The following CFAP44 variants were observed in gnomAD, a reference collection of about 807,000 sequenced individuals.
The protein encoded by CFAP44 is cilia and flagella associated protein 44.
In CFAP44, 134 loss-of-function variants were observed where a neutral mutation model predicts 216.2. The ratio of observed to expected loss-of-function variants is 0.62; its 90% CI spans 0.54 to 0.72. The LOEUF is 0.72. CFAP44 is among the 30% of genes least tolerant of loss of function. The pLI, the probability that CFAP44 is intolerant of heterozygous loss-of-function variation, is 0.00. For missense variants in CFAP44, 2,035 were observed against 2,182.1 expected, an observed-to-expected ratio of 0.93 and a Z score of 1.34; for synonymous variants, 700 against 727.6, an observed-to-expected ratio of 0.96 and a Z score of 0.61.
At chr3:113,382,253 A>G (rs1053846625) in intron 15 of CFAP44, among the ~76,000 whole-genome samples, 1 of 152,234 alleles carries the variant, frequency 6.6e-6, no homozygotes, top group Non-Finnish European at 1.5e-5. Flanking sequence ...GCATAGTATC[A>G]CAAAAGTGAA....
At position 113,401,219 on chromosome 3, in the gene CFAP44, TAAG is replaced by T; in HGVS notation, c.1374+18_1374+20del. Reference sequence around the variant, plus strand: ...TTTTACTATGAAAGTTAGGAGAAAATAAGAATAATAGGCAACTTACAATATTTG... The same window carrying T: ...TTTTACTATGAAAGTTAGGAGAAAATAATAATAGGCAACTTACAATATTTG... On this transcript the variant is annotated intron_variant, in intron 11 of 34. Coordinates refer to ENST00000393845, the MANE Select transcript of CFAP44 (RefSeq NM_001164496.2). The T allele has an allele frequency of 6.4e-7, 1 of 1,567,308 alleles. No homozygotes were observed. The highest frequency in any genetic ancestry group is 1.2e-5 in the South Asian group (1 of 82,462).
At chr3:113,324,745 G>A (rs1950175048) in intron 28 of CFAP44, among the ~76,000 whole-genome samples, 1 of 152,114 alleles carries the variant, frequency 6.6e-6, no homozygotes, top group East Asian at 1.9e-4. Context: ...AAATGAAATA[G>A]GCATCCTGAT....
chr3:113,395,999 A>C, intron 14 of CFAP44, 139 bp from the exon 15 acceptor site: 1 of 612,370 alleles, frequency 1.6e-6, no homozygotes. Flanking sequence ...GAGAATTCTT[A>C]TTTCTAAAAC....
At chr3:113,412,355 G>A (rs570980698) in intron 6 of CFAP44, among the ~76,000 whole-genome samples, 1 of 151,864 alleles carries the variant, frequency 6.6e-6, no homozygotes, top group African/African-American at 2.4e-5. Flanking sequence ...CCTCTCTTGG[G>A]GTCTGGATCG....
chr3:113,407,163 T>C lies in CFAP44; in HGVS notation c.891-122A>G, dbSNP rs931166228. The stretch of plus-strand genomic sequence containing the variant: ...ATTATTTCATTCATTCATTCATTTA[T>C]CTGATTAAGATTTATTAAGTATCTA... On this transcript the variant is annotated intron_variant, in intron 7 of 34. Transcript: ENST00000393845. 9 of 774,178 alleles carry C rather than the reference T, an allele frequency of 1.2e-5. No homozygotes were observed. The Admixed American group carries it at 1.2e-4, about 10-fold the overall frequency. The allele number at this position is 774,178 out of a possible 1,614,324, so 48.0% of individuals were successfully genotyped here.
In CFAP44 at chr3:113,313,694, A is replaced by C. The variant is rs372864767; in HGVS notation, c.4517-5426T>G. 1.2e-4 allele frequency among the ~76,000 whole-genome samples: 19 copies of C among 152,264 alleles called. No homozygotes were observed. The South Asian group carries it at 1.5e-3, about 12-fold the overall frequency. On this transcript the variant is annotated intron_variant, in intron 28 of 34. Transcript: ENST00000393845. ...CCCCATACTGTTCTCATGGCAGTGAATATGTCTCACAAGATCTAATGGTTT... is the reference window on the plus strand; with the variant it reads ...CCCCATACTGTTCTCATGGCAGTGACTATGTCTCACAAGATCTAATGGTTT...
intron 17 of CFAP44, among the ~76,000 whole-genome samples, chr3:113,374,375 A>G (rs1389835574): frequency 6.7e-6 from 1 of 149,248 alleles, no homozygotes; most frequent in African/African-American, 2.4e-5. Flanking sequence ...TTATTTATTT[A>G]TTTATTTATT....
intron 21 of CFAP44, chr3:113,361,231 C>G (rs115583420): frequency 4.7e-6 from 1 of 213,838 alleles, no homozygotes; most frequent in African/African-American, 2.3e-5. Context: ...AGATAAACCG[C>G]GTATGTAATT....
At chr3:113,374,187 A>G (rs78730932) in intron 17 of CFAP44, among the ~76,000 whole-genome samples, 12,379 of 151,772 alleles carry the variant, frequency 0.082, 622 homozygotes, top group East Asian at 0.15. Context: ...TTTTGACAAC[A>G]GCAGACTAGA....
intron 4 of CFAP44, among the ~76,000 whole-genome samples, chr3:113,421,940 A>G (rs1934826252): frequency 6.6e-6 from 1 of 152,184 alleles, no homozygotes; most frequent in Non-Finnish European, 1.5e-5. Context: ...AGTATCACAC[A>G]ATATATCCTT....
chr3:113,420,208 T>C, intron 4 of CFAP44, 29 bp from the exon 5 acceptor site: 1 of 1,593,228 alleles, frequency 6.3e-7, no homozygotes, highest in Non-Finnish European at 8.6e-7. Context: ...GGAAAAGAAG[T>C]GAAAAACACT....
chr3:113,436,005 T>C lies in CFAP44; in HGVS notation c.-5-2336A>G, dbSNP rs558341996. Among the ~76,000 whole-genome samples, 7 of 152,038 alleles carry C rather than the reference T, an allele frequency of 4.6e-5. No individual in the cohort carries two copies. In the South Asian group the frequency reaches 1.5e-3, roughly 32 times the overall value. ...CACCTAATTGTAGAATATATACCTT[T>C]TGGGGTTTATGGAGGGGGTGGGGTT... On this transcript the variant is annotated intron_variant, in intron 1 of 34. Transcript: ENST00000393845.
In CFAP44 at chr3:113,305,072, A is replaced by T; in HGVS notation, c.4839T>A (p.Asn1613Lys). Residue 1613 changes from asparagine (N) to lysine (K), a missense_variant, in exon 31 of 35, where the codon AAT (asparagine) becomes AAA (lysine). This residue lies in a region of CFAP44 where 1,883 missense variants were observed against 2,023.7 expected (regional missense o/e 0.93). Transcript: ENST00000393845. Reference sequence around the variant, plus strand: ...TGAGCGGAATCACAACTAGCAGTTCATTCAGCCGCTGCTGCTTCTCTCGCT... The same window carrying T: ...TGAGCGGAATCACAACTAGCAGTTCTTTCAGCCGCTGCTGCTTCTCTCGCT... ...AYQREKQQRLNELLVVIPLKL... is the reference protein window; with the variant it reads ...AYQREKQQRLKELLVVIPLKL... 7 of 1,537,256 alleles carry T rather than the reference A, an allele frequency of 4.6e-6. No individual in the cohort carries two copies. The highest frequency in any genetic ancestry group is 5.2e-6 in the Non-Finnish European group (6 of 1,146,902).
At chr3:113,322,356 T>C (rs1203310830) in intron 28 of CFAP44, among the ~76,000 whole-genome samples, 1 of 152,132 alleles carries the variant, frequency 6.6e-6, no homozygotes, top group Non-Finnish European at 1.5e-5. Flanking sequence ...TCACAAGCTA[T>C]GCATCCAACA....
chr3:113,296,592 C>A (rs112436285), intron 33 of CFAP44, 133 bp downstream of exon 33: 7 of 1,001,466 alleles, frequency 7.0e-6, no homozygotes, highest in Middle Eastern at 2.1e-4. Flanking sequence ...GGCCTAAGAT[C>A]CTGGGGCAGC....
chr3:113,360,678 T>C, intron 21 of CFAP44: 1 of 155,420 alleles, frequency 6.4e-6, no homozygotes, highest in Non-Finnish European at 1.4e-5. Context: ...GAGCAGCTGC[T>C]CTAACTGGAG....
chr3:113,379,347 AGAG>A lies in CFAP44; in HGVS notation c.2254_2256del (p.Leu752del), dbSNP rs761324939. On this transcript the variant is annotated inframe_deletion, in exon 17 of 35. Transcript: ENST00000393845. ...TTCCCTGGCTCTGAGTAAAATCCAC[AGAG>A]GATGGGAGAGGGGGTTGACGGAATA... 7 of 1,607,054 alleles carry A rather than the reference AGAG, an allele frequency of 4.4e-6. No individual in the cohort carries two copies. Among genetic ancestry groups the A allele is most frequent in the Non-Finnish European group, 5.1e-6 (6 of 1,175,088 alleles).
chr3:113,430,440 A>AC (rs916401418), intron 2 of CFAP44, among the ~76,000 whole-genome samples: 1 of 149,140 alleles, frequency 6.7e-6, no homozygotes, highest in African/African-American at 2.4e-5. Context: ...AAAAAAAAAA[A>AC]AAAAACAAAG....
In CFAP44 at chr3:113,330,437, G is replaced by T. The variant is rs1430728819; in HGVS notation, c.3847C>A (p.Gln1283Lys). Residue 1283 changes from glutamine to lysine, a missense_variant, in exon 26 of 35, where the codon CAA becomes AAA. Physicochemically the swap from Gln to Lys is moderately conservative, Grantham distance 53 (BLOSUM62 1). Transcript: ENST00000393845. ...EETLLNFKQQ[Q>K]MKSKDEKSPG... ...GACTTTTCATCTTTACTTTTCATTT[G>T]CTGTTGCTTAAAATTTAGGAGAGTT... The T allele has an allele frequency of 6.5e-7, 1 of 1,537,216 alleles. No homozygotes were observed. Among genetic ancestry groups the T allele is most frequent in the East Asian group, 2.4e-5 (1 of 40,916 alleles).
Sources: allele counts gnomAD v4.1 joint callset (sites outside exome capture counted in the v4.1 genomes callset), GRCh38; gene constraint gnomAD v4.1.1; regional missense constraint gnomAD v4.1.1; transcripts MANE v1.5; gene names NCBI Gene and HGNC (gene_info 2026-07-23, HGNC 2026-07-21).